MGST2: variants seen among roughly 807,000 people sequenced by gnomAD.
MGST2 encodes the protein microsomal glutathione S-transferase 2, also known as glutathione peroxidase MGST2.
MGST2 carries 9 observed loss-of-function variants against 16.6 expected under a neutral mutation model. That is an observed-to-expected ratio of 0.54 (90% CI 0.33 to 0.95). The LOEUF (loss-of-function observed/expected upper bound fraction) is 0.95, where lower values mean the gene tolerates loss of function less well. Among genes scored for constraint, MGST2 ranks in the 40% least tolerant of loss-of-function variants. MGST2 has a pLI of 0.03. For missense variants in MGST2, 159 were observed against 175.1 expected (o/e 0.91, Z 0.52); for synonymous variants, 79 against 68.0 (o/e 1.16, Z -0.79).
chr4:139,675,221 T>G (rs1228735422), intron 1 of MGST2, among the ~76,000 whole-genome samples: 1 of 152,240 alleles, frequency 6.6e-6, no homozygotes, highest in African/African-American at 2.4e-5. Flanking sequence ...TGCTTGGAAT[T>G]TCCCTTGAAG....
chr4:139,731,388 G>A (rs985999701), intron 5 of MGST2: 1 of 136,118 alleles, frequency 7.3e-6, no homozygotes, highest in Non-Finnish European at 1.5e-5. Context: ...GGATCACGAG[G>A]TCAGTTCGAG....
chr4:139,708,999 C>CAA (rs36036249), downstream of MGST2, among the ~76,000 whole-genome samples: 33,313 of 101,606 alleles, frequency 0.33, 6,553 homozygotes, highest in Non-Finnish European at 0.39. Flanking sequence ...AACTCCGTCT[C>CAA]AAAAAAAAAA....
rs1338764114 is a variant in MGST2, at chr4:139,737,474, G to C, written c.*49-2738G>C. On this transcript the variant is annotated intron_variant, in intron 5 of 5. Transcript: ENST00000616265. ...GAATAAAAAGAAATGGGAAGGGGGTGGGGAGAGGAATGGGCATAGAATAAA... is the reference window on the plus strand; with the variant it reads ...GAATAAAAAGAAATGGGAAGGGGGTCGGGAGAGGAATGGGCATAGAATAAA... 2.0e-5 allele frequency among the ~76,000 whole-genome samples: 3 copies of C among 152,068 alleles called. No individual in the cohort carries two copies. In the South Asian group the frequency reaches 6.2e-4, roughly 32 times the overall value.
intron 5 of MGST2, chr4:139,717,358 T>TGTC (rs1728020348): frequency 6.6e-6 from 1 of 152,588 alleles, no homozygotes; most frequent in Non-Finnish European, 1.5e-5. Flanking sequence ...TTATGTTTTG[T>TGTC]GTCTTCTCAT....
At chr4:139,731,817 C>T (rs1579371377) in intron 5 of MGST2, among the ~76,000 whole-genome samples, 1 of 152,062 alleles carries the variant, frequency 6.6e-6, no homozygotes, top group Non-Finnish European at 1.5e-5. Flanking sequence ...TGCTCAAAGG[C>T]GAAGTTTATG....
chr4:139,708,475 A>G (rs1299881447), downstream of MGST2, among the ~76,000 whole-genome samples: 4 of 152,114 alleles, frequency 2.6e-5, no homozygotes, highest in South Asian at 4.1e-4. Flanking sequence ...GCCTTGTAGT[A>G]TAGTTTGAAG....
chr4:139,701,961 G>A (rs978952845), intron 3 of MGST2, among the ~76,000 whole-genome samples: 10 of 88,856 alleles, frequency 1.1e-4, no homozygotes, highest in Non-Finnish European at 2.4e-4. Context: ...GCAAGACCCT[G>A]TCTCAAGAAA....
chr4:139,750,321 T>C, the MGST2 span, among the ~76,000 whole-genome samples: 1 of 152,216 alleles, frequency 6.6e-6, no homozygotes, highest in African/African-American at 2.4e-5. Flanking sequence ...GGTCACTCTC[T>C]AGCTTCAATA....
In MGST2 at chr4:139,694,417, T is replaced by C. The variant is rs78965821; in HGVS notation, c.159-780T>C. On this transcript the variant is annotated intron_variant, in intron 2 of 4. Transcript: ENST00000265498. ...TCATCACACATTATGTTAAATTCTTTCTGGTGGTGAAATTGTCAGCAAAGA... is the reference window on the plus strand; with the variant it reads ...TCATCACACATTATGTTAAATTCTTCCTGGTGGTGAAATTGTCAGCAAAGA... 7.9e-3 allele frequency among the ~76,000 whole-genome samples: 1,203 copies of C among 152,004 alleles called. 20 individuals carry two copies. Among genetic ancestry groups the C allele is most frequent in the African/African-American group, 0.026 (1,081 of 41,470 alleles).
intron 5 of MGST2, among the ~76,000 whole-genome samples, chr4:139,722,119 G>A (rs1294623115): frequency 6.6e-6 from 1 of 152,186 alleles, no homozygotes; most frequent in Non-Finnish European, 1.5e-5. Flanking sequence ...ACTAGATACT[G>A]TCTGGAATAA....
At chr4:139,742,058 C>G (rs891808889), downstream of MGST2, among the ~76,000 whole-genome samples, 1 of 152,012 alleles carries the variant, frequency 6.6e-6, no homozygotes, top group Non-Finnish European at 1.5e-5. Flanking sequence ...CTTGACTCCA[C>G]GCCACACATA....
chr4:139,751,284 C>T, the MGST2 span, among the ~76,000 whole-genome samples: 2 of 152,120 alleles, frequency 1.3e-5, no homozygotes, highest in Non-Finnish European at 2.9e-5. Flanking sequence ...TATCCCTTAT[C>T]CAAAATATTT....
At chr4:139,701,302 A>G (rs919070809) in intron 3 of MGST2, among the ~76,000 whole-genome samples, 4 of 151,954 alleles carry the variant, frequency 2.6e-5, no homozygotes, top group African/African-American at 9.7e-5. Context: ...TCTGGGAGTA[A>G]CTCCCTAGAC....
intron 1 of MGST2, among the ~76,000 whole-genome samples, chr4:139,676,012 C>T (rs1730940209): frequency 6.6e-6 from 1 of 152,176 alleles, no homozygotes; most frequent in African/African-American, 2.4e-5. Flanking sequence ...AGTTCTGCCT[C>T]TGGATGGTCG....
chr4:139,674,182 C>A (rs992616335), intron 1 of MGST2, among the ~76,000 whole-genome samples: 2 of 152,142 alleles, frequency 1.3e-5, no homozygotes, highest in African/African-American at 4.8e-5. Context: ...CCAAGGTGGT[C>A]AGGGCACAGC....
At position 139,695,212 on chromosome 4, in the gene MGST2, G is replaced by A. The variant is rs1188396226; in HGVS notation, c.174G>A (p.Glu58=). The part of the protein sequence containing the change: ...RVFRAQQNCV[E]FYPIFIITLW... ...TTTTCTGCAGACAAAACTGTGTGGAGTTTTATCCTATATTCATAATTACAT... is the reference window on the plus strand; with the variant it reads ...TTTTCTGCAGACAAAACTGTGTGGAATTTTATCCTATATTCATAATTACAT... Residue 58 remains glutamate (E), a synonymous_variant, in exon 3 of 5, where the codon GAG becomes GAA. Coordinates refer to ENST00000265498, the MANE Select transcript of MGST2 (RefSeq NM_002413.5). The A allele has an allele frequency of 1.2e-6, 2 of 1,612,972 alleles. No individual in the cohort carries two copies. The highest frequency in any genetic ancestry group is 8.5e-7 in the Non-Finnish European group (1 of 1,178,954).
chr4:139,670,258 C>T (rs61483072), intron 1 of MGST2, among the ~76,000 whole-genome samples: 11 of 98,232 alleles, frequency 1.1e-4, no homozygotes, highest in Non-Finnish European at 1.6e-4. Context: ...CGGTGGGGGG[C>T]GGGGGGGGGG....
At chr4:139,677,248 G>A (rs755124195) in intron 1 of MGST2, among the ~76,000 whole-genome samples, 4 of 152,144 alleles carry the variant, frequency 2.6e-5, no homozygotes, top group Non-Finnish European at 5.9e-5. Flanking sequence ...GGACATGCCC[G>A]TGACATAGCC....
At chr4:139,752,151 C>T in the MGST2 span, among the ~76,000 whole-genome samples, 1 of 152,164 alleles carries the variant, frequency 6.6e-6, no homozygotes, top group Non-Finnish European at 1.5e-5. Flanking sequence ...TAGGTTCTCC[C>T]TAATAATTCC....
Sources: allele counts gnomAD v4.1 joint callset (sites outside exome capture counted in the v4.1 genomes callset), GRCh38; gene constraint gnomAD v4.1.1; transcripts MANE v1.5; gene names NCBI Gene and HGNC (gene_info 2026-07-23, HGNC 2026-07-21).